NBEA: variants seen among roughly 807,000 people sequenced by gnomAD.
NBEA encodes neurobeachin.
A neutral mutation model predicts 343.4 loss-of-function variants in NBEA; 44 were observed. The observed-to-expected ratio is 0.13, with a 90% CI of 0.10 to 0.16. The LOEUF (loss-of-function observed/expected upper bound fraction) is 0.16. Among genes scored for constraint, NBEA ranks in the 10% least tolerant of loss-of-function variants. NBEA has a pLI of 1.00. For missense variants in NBEA, 2,555 were observed against 3,631.3 expected, an observed-to-expected ratio of 0.70 and a Z score of 7.62; for synonymous variants, 1,175 against 1,238.7, an observed-to-expected ratio of 0.95 and a Z score of 1.08.
intron 38 of NBEA, among the ~76,000 whole-genome samples, chr13:35,430,918 A>G (rs1431450043): frequency 1.3e-5 from 2 of 152,136 alleles, no homozygotes; most frequent in Admixed American, 6.5e-5. Flanking sequence ...TATGATGTAC[A>G]GGAAAAATAA....
chr13:35,389,150 A>G (rs2072692031), intron 38 of NBEA, among the ~76,000 whole-genome samples: 1 of 152,110 alleles, frequency 6.6e-6, no homozygotes. Context: ...TTGGTCTAAC[A>G]AAATGCCAAA....
rs117933171 is a variant in NBEA, at chr13:35,101,760, G to A, written c.1680+3355G>A. Reference sequence around the variant, plus strand: ...CTCTTTAGAGTGCCAATTTTCATTTGGGTTGTCTGTCATTTTGTTACTGAT... The same window carrying A: ...CTCTTTAGAGTGCCAATTTTCATTTAGGTTGTCTGTCATTTTGTTACTGAT... On this transcript the variant is annotated intron_variant, in intron 11 of 58. Transcript: ENST00000379939. Among the ~76,000 whole-genome samples the A allele has an allele frequency of 2.2e-4, 33 of 151,520 alleles. No individual in the cohort carries two copies. In the East Asian group the frequency reaches 6.0e-3, roughly 28 times the overall value.
chr13:35,483,476 G>T (rs2076195173), intron 41 of NBEA, among the ~76,000 whole-genome samples: 1 of 151,804 alleles, frequency 6.6e-6, no homozygotes, highest in African/African-American at 2.4e-5. Context: ...ACATTCTTGG[G>T]ACATGTGTAT....
At chr13:35,320,344 T>C (rs2038050758) in intron 36 of NBEA, among the ~76,000 whole-genome samples, 1 of 152,228 alleles carries the variant, frequency 6.6e-6, no homozygotes, top group South Asian at 2.1e-4. Flanking sequence ...TTATTTCTCC[T>C]TTGCTTATGA....
At chr13:35,656,297 T>C (rs1353847797) in intron 55 of NBEA, among the ~76,000 whole-genome samples, 1 of 152,196 alleles carries the variant, frequency 6.6e-6, no homozygotes, top group Non-Finnish European at 1.5e-5. Context: ...GTGATAGTTA[T>C]TCCACAGTGC....
In NBEA at chr13:35,422,403, G is replaced by GT. The variant is rs1425141310; in HGVS notation, c.6180-9860dup. Among the ~76,000 whole-genome samples the GT allele has an allele frequency of 1.0e-4, 15 of 150,240 alleles. No individual in the cohort carries two copies. The East Asian group carries it at 2.6e-3, about 26-fold the overall frequency. ...TATGAGTGAGAACATGCGGTGTTTG[G>GT]TTTTTTGTCCTTGCGATAGTCTGCT... On this transcript the variant is annotated intron_variant, in intron 38 of 58. Coordinates refer to ENST00000379939, the MANE Select transcript of NBEA (RefSeq NM_001385012.1).
intron 41 of NBEA, among the ~76,000 whole-genome samples, chr13:35,542,892 A>C (rs1192569446): frequency 6.6e-6 from 1 of 151,938 alleles, no homozygotes; most frequent in Non-Finnish European, 1.5e-5. Context: ...ATTTTATATA[A>C]TTTCTCTCTT....
intron 34 of NBEA, among the ~76,000 whole-genome samples, chr13:35,284,363 GT>G (rs569478828): frequency 5.3e-5 from 8 of 151,630 alleles, no homozygotes; most frequent in African/African-American, 1.7e-4. Flanking sequence ...ATTTTGCAGG[GT>G]TTTTTTTGTT....
chr13:35,103,175 C>G (rs1223911562), intron 11 of NBEA, among the ~76,000 whole-genome samples: 1 of 151,506 alleles, frequency 6.6e-6, no homozygotes, highest in Non-Finnish European at 1.5e-5. Context: ...GATTATTTTT[C>G]AGATTTTAAA....
intron 46 of NBEA, among the ~76,000 whole-genome samples, chr13:35,584,823 A>T (rs2081221692): frequency 6.6e-6 from 1 of 151,696 alleles, no homozygotes; most frequent in Admixed American, 6.6e-5. Flanking sequence ...TAAACATGGG[A>T]TCTCACTTTG....
chr13:35,661,663 G>A lies in NBEA; in HGVS notation c.8363-3422G>A, dbSNP rs575640319. Among the ~76,000 whole-genome samples the A allele has an allele frequency of 4.6e-5, 7 of 152,218 alleles. No homozygotes were observed. The South Asian group carries it at 6.2e-4, about 14-fold the overall frequency. On this transcript the variant is annotated intron_variant, in intron 55 of 58. Transcript: ENST00000379939. Reference sequence around the variant, plus strand: ...TGATAAGGGACTCCTGACCGATACCGCTCTTCTCAGCTATTCCAGCAAATT... The same window carrying A: ...TGATAAGGGACTCCTGACCGATACCACTCTTCTCAGCTATTCCAGCAAATT...
chr13:35,414,015 A>T (rs1159026050), intron 38 of NBEA, among the ~76,000 whole-genome samples: 1 of 152,158 alleles, frequency 6.6e-6, no homozygotes, highest in Non-Finnish European at 1.5e-5. Context: ...AGACAGTAGC[A>T]TAAGTGGCTC....
rs1287638036 is a variant in NBEA at position 35,050,437 on chromosome 13, A to C, written c.972+42A>C. ...ATTTTTATAACTCACCTGTTATGAC[A>C]GAATTCTTAACTCTCCTTTTATGAG... On this transcript the variant is annotated intron_variant, in intron 6 of 58. Transcript: ENST00000379939. 3 of 1,574,842 alleles carry C rather than the reference A, an allele frequency of 1.9e-6. No individual in the cohort carries two copies. The African/African-American group carries it at 4.1e-5, about 21-fold the overall frequency.
intron 41 of NBEA, among the ~76,000 whole-genome samples, chr13:35,514,106 C>T (rs925673191): frequency 4.0e-5 from 6 of 151,254 alleles, no homozygotes; most frequent in Non-Finnish European, 8.8e-5. Flanking sequence ...TTCTTGGCTA[C>T]TCCTTTAGAA....
intron 11 of NBEA, among the ~76,000 whole-genome samples, chr13:35,108,484 C>T (rs149501715): frequency 1.8e-3 from 276 of 151,836 alleles, no homozygotes; most frequent in African/African-American, 6.3e-3. Flanking sequence ...ATTTTAATAA[C>T]GTATTTAGCC....
chr13:35,556,625 G>A lies in NBEA; in HGVS notation c.6922+1523G>A, dbSNP rs554354559. Among the ~76,000 whole-genome samples, 24 of 151,794 alleles carry A rather than the reference G, an allele frequency of 1.6e-4. No individual in the cohort carries two copies. The South Asian group carries it at 4.8e-3, about 30-fold the overall frequency. On this transcript the variant is annotated intron_variant, in intron 44 of 58. Transcript: ENST00000379939. The stretch of plus-strand genomic sequence containing the variant: ...AAGCACCTTGTTATTAATTCCCCTA[G>A]AGATATTACATTTTTAAAAGCCTTA...
At chr13:35,392,125 A>G (rs1049720407) in intron 38 of NBEA, among the ~76,000 whole-genome samples, 5 of 152,146 alleles carry the variant, frequency 3.3e-5, no homozygotes, top group African/African-American at 1.2e-4. Context: ...TACAAATATC[A>G]TATTTGTATT....
chr13:35,422,665 G>A (rs1390612720), intron 38 of NBEA, among the ~76,000 whole-genome samples: 1 of 152,188 alleles, frequency 6.6e-6, no homozygotes, highest in Admixed American at 6.5e-5. Flanking sequence ...TATATACCCA[G>A]TAATGGGGTG....
chr13:35,600,173 G>A (rs2081986046), intron 47 of NBEA, among the ~76,000 whole-genome samples: 1 of 152,120 alleles, frequency 6.6e-6, no homozygotes, highest in South Asian at 2.1e-4. Flanking sequence ...TAAGCCATTG[G>A]CTATACATTG....
Sources: allele counts gnomAD v4.1 joint callset (sites outside exome capture counted in the v4.1 genomes callset), GRCh38; gene constraint gnomAD v4.1.1; transcripts MANE v1.5; gene names NCBI Gene and HGNC (gene_info 2026-07-23, HGNC 2026-07-21).